Variants in SGCZ observed in about 807,000 individuals in gnomAD.
SGCZ encodes the protein zeta-sarcoglycan.
A neutral mutation model predicts 41.3 loss-of-function variants in SGCZ; 40 were observed. The observed-to-expected ratio is 0.97, with a 90% CI of 0.75 to 1.26. SGCZ has a LOEUF of 1.26. Ranked by LOEUF, SGCZ falls within the 50% of genes most tolerant of loss-of-function variation. The pLI, the probability that SGCZ is intolerant of heterozygous loss-of-function variation, is 0.00. For synonymous variants in SGCZ, 206 were observed against 137.5 expected (o/e 1.50, Z -3.49); for missense variants, 552 against 369.8 (o/e 1.49, Z -4.04).
chr8:14,965,521 G>T (rs1585419274), intron 1 of SGCZ, among the ~76,000 whole-genome samples: 1 of 151,944 alleles, frequency 6.6e-6, no homozygotes, highest in Non-Finnish European at 1.5e-5. Context: ...AGAATAAGTG[G>T]GATATTATAT....
chr8:14,719,506 C>T (rs1378664828), intron 1 of SGCZ, among the ~76,000 whole-genome samples: 4 of 151,748 alleles, frequency 2.6e-5, no homozygotes, highest in Non-Finnish European at 5.9e-5. Context: ...CACATCCTCT[C>T]CAGCACCTGT....
At chr8:14,136,849 C>G (rs1803214698) in intron 5 of SGCZ, among the ~76,000 whole-genome samples, 1 of 152,224 alleles carries the variant, frequency 6.6e-6, no homozygotes, top group Admixed American at 6.5e-5. Flanking sequence ...ACTGCCTCCT[C>G]AAGTGGGTCC....
chr8:14,812,283 G>C (rs998440283), intron 1 of SGCZ, among the ~76,000 whole-genome samples: 1 of 151,380 alleles, frequency 6.6e-6, no homozygotes, highest in African/African-American at 2.4e-5. Flanking sequence ...CTTTGAATTG[G>C]CATCTACAGA....
chr8:14,219,707 A>G (rs1181425398), intron 4 of SGCZ, among the ~76,000 whole-genome samples: 3 of 151,828 alleles, frequency 2.0e-5, no homozygotes, highest in Non-Finnish European at 4.4e-5. Context: ...AGATCGCACC[A>G]CTGCACTCCA....
At chr8:14,768,116 A>G (rs1307297580) in intron 1 of SGCZ, among the ~76,000 whole-genome samples, 2 of 152,344 alleles carry the variant, frequency 1.3e-5, no homozygotes, top group East Asian at 1.9e-4. Flanking sequence ...AATGCCAAAA[A>G]GAATATGCAG....
At chr8:14,888,003 TGATA>T (rs1804873633) in intron 1 of SGCZ, among the ~76,000 whole-genome samples, 1 of 152,082 alleles carries the variant, frequency 6.6e-6, no homozygotes, top group African/African-American at 2.4e-5. Flanking sequence ...GTATTTGAGG[TGATA>T]GATGTGTTGA....
chr8:14,647,881 CT>C (rs1807274814), intron 1 of SGCZ, among the ~76,000 whole-genome samples: 1 of 151,868 alleles, frequency 6.6e-6, no homozygotes, highest in African/African-American at 2.4e-5. Context: ...TTCTGTGACC[CT>C]TACGACAACA....
At chr8:14,445,757 G>C (rs1348870081) in intron 2 of SGCZ, among the ~76,000 whole-genome samples, 1 of 152,110 alleles carries the variant, frequency 6.6e-6, no homozygotes, top group African/African-American at 2.4e-5. Flanking sequence ...TGTGGCAAGG[G>C]GTCAACTGAG....
At chr8:14,924,764 A>G (rs1488202652) in intron 1 of SGCZ, among the ~76,000 whole-genome samples, 1 of 152,160 alleles carries the variant, frequency 6.6e-6, no homozygotes, top group Non-Finnish European at 1.5e-5. Flanking sequence ...ACAAAATGTT[A>G]AAAGTTTGAT....
intron 3 of SGCZ, among the ~76,000 whole-genome samples, chr8:14,302,222 GAAT>G (rs1801216507): frequency 1.3e-5 from 2 of 152,106 alleles, no homozygotes; most frequent in Non-Finnish European, 2.9e-5. Context: ...AAGGAAGACA[GAAT>G]AATATACCCT....
chr8:14,708,139 TA>T (rs1809390179), intron 1 of SGCZ, among the ~76,000 whole-genome samples: 1 of 151,940 alleles, frequency 6.6e-6, no homozygotes. Context: ...AAATTTTAAT[TA>T]AATTATATTT....
At chr8:14,817,392 C>T (rs1321629272) in intron 1 of SGCZ, among the ~76,000 whole-genome samples, 6 of 152,174 alleles carry the variant, frequency 3.9e-5, no homozygotes, top group African/African-American at 1.4e-4. Context: ...GGCCCTGAAT[C>T]CAGTTTGAAG....
intron 3 of SGCZ, among the ~76,000 whole-genome samples, chr8:14,265,297 C>A (rs576120416): frequency 6.6e-6 from 1 of 152,116 alleles, no homozygotes; most frequent in Non-Finnish European, 1.5e-5. Context: ...ATTTTTATAT[C>A]GCTCTAGTAT....
chr8:14,807,176 C>T (rs376531903), intron 1 of SGCZ, among the ~76,000 whole-genome samples: 12 of 151,746 alleles, frequency 7.9e-5, no homozygotes, highest in Non-Finnish European at 1.0e-4. Flanking sequence ...GCACAAGACA[C>T]GGATGCCCTC....
At chr8:14,993,616 T>A (rs765060904) in intron 1 of SGCZ, among the ~76,000 whole-genome samples, 1 of 152,216 alleles carries the variant, frequency 6.6e-6, no homozygotes, top group East Asian at 1.9e-4. Context: ...TCAGAAAGCA[T>A]AATTTGAGCA....
At chr8:14,473,539 C>A (rs1801270066) in intron 2 of SGCZ, among the ~76,000 whole-genome samples, 1 of 152,054 alleles carries the variant, frequency 6.6e-6, no homozygotes, top group South Asian at 2.1e-4. Flanking sequence ...AATTTTGACC[C>A]AGAATTGTCA....
At chr8:15,057,165 G>C (rs139685016) in intron 1 of SGCZ, among the ~76,000 whole-genome samples, 2 of 152,170 alleles carry the variant, frequency 1.3e-5, no homozygotes, top group African/African-American at 2.4e-5. Context: ...AAGAACATAT[G>C]GGAAGTACAG....
At chr8:14,791,116 G>A (rs1331962319) in intron 1 of SGCZ, among the ~76,000 whole-genome samples, 1 of 151,792 alleles carries the variant, frequency 6.6e-6, no homozygotes, top group Non-Finnish European at 1.5e-5. Context: ...AAATCTCTGA[G>A]TGATAGAGGT....
At chr8:15,145,857 A>G (rs1172335583) in intron 1 of SGCZ, among the ~76,000 whole-genome samples, 1 of 152,200 alleles carries the variant, frequency 6.6e-6, no homozygotes, top group Non-Finnish European at 1.5e-5. Context: ...TATGATTATC[A>G]AGGAGGTTAA....
Sources: allele counts gnomAD v4.1 joint callset (sites outside exome capture counted in the v4.1 genomes callset), GRCh38; gene constraint gnomAD v4.1.1; transcripts MANE v1.5; gene names NCBI Gene and HGNC (gene_info 2026-07-23, HGNC 2026-07-21).